The following FHIT variants were observed in gnomAD, a reference collection of about 807,000 sequenced individuals.
FHIT encodes bis(5'-adenosyl)-triphosphatase.
In FHIT, 19 loss-of-function variants were observed where a neutral mutation model predicts 17.9. The ratio of observed to expected loss-of-function variants is 1.06; its 90% CI spans 0.74 to 1.56. The LOEUF (loss-of-function observed/expected upper bound fraction) is 1.56. Ranked by LOEUF, FHIT falls within the 40% of genes most tolerant of loss-of-function variation. The pLI is 0.00. For synonymous variants in FHIT, 81 were observed against 69.7 expected (o/e 1.16, Z -0.81); for missense variants, 248 against 189.2 (o/e 1.31, Z -1.82).
At chr3:60,146,147 G>A in intron 5 of FHIT, among the ~76,000 whole-genome samples, 1 of 152,038 alleles carries the variant, frequency 6.6e-6, no homozygotes, top group Admixed American at 6.6e-5. Context: ...GGAGAGGAGG[G>A]TGGAATAGAG....
chr3:60,117,158 C>CTGATAAGATTTCCAGTAGTTGGCT (rs141050999), intron 5 of FHIT, among the ~76,000 whole-genome samples: 23,498 of 151,524 alleles, frequency 0.16, 1,956 homozygotes, highest in South Asian at 0.22. Flanking sequence ...GACTAAATGG[C>CTGATAAGATTTCCAGTAGTTGGCT]TGATAAGATT....
At chr3:60,946,321 T>C (rs1030428932) in intron 3 of FHIT, among the ~76,000 whole-genome samples, 2 of 152,184 alleles carry the variant, frequency 1.3e-5, no homozygotes, top group African/African-American at 4.8e-5. Context: ...AAGGGCACTA[T>C]TGGCATTTGG....
chr3:59,946,766 T>C (rs1706825749), intron 7 of FHIT, among the ~76,000 whole-genome samples: 1 of 152,228 alleles, frequency 6.6e-6, no homozygotes, highest in South Asian at 2.1e-4. Flanking sequence ...TCTATTGAGA[T>C]AATCATGTGG....
At chr3:60,722,707 C>CT (rs1157024624) in intron 4 of FHIT, among the ~76,000 whole-genome samples, 2,344 of 104,846 alleles carry the variant, frequency 0.022, 27 homozygotes, top group African/African-American at 0.041. Context: ...TACCTTAAAT[C>CT]TTTTTTTTTT....
chr3:60,419,953 A>G (rs947232837), intron 5 of FHIT, among the ~76,000 whole-genome samples: 1 of 152,208 alleles, frequency 6.6e-6, no homozygotes, highest in South Asian at 2.1e-4. Flanking sequence ...AGATAAAACC[A>G]TTCATAATCC....
intron 5 of FHIT, among the ~76,000 whole-genome samples, chr3:60,472,143 G>T (rs759482667): frequency 1.5e-5 from 2 of 132,634 alleles, no homozygotes; most frequent in Non-Finnish European, 1.5e-5. Flanking sequence ...GTAGCTCTCA[G>T]TCTACTTTTT....
At chr3:59,986,129 A>G (rs73106565) in intron 7 of FHIT, among the ~76,000 whole-genome samples, 14,795 of 152,062 alleles carry the variant, frequency 0.097, 907 homozygotes, top group Admixed American at 0.13. Context: ...AGCGGTTCAC[A>G]CTTTATGGCT....
intron 5 of FHIT, among the ~76,000 whole-genome samples, chr3:60,316,155 G>A (rs1307005337): frequency 6.6e-6 from 1 of 152,094 alleles, no homozygotes; most frequent in Non-Finnish European, 1.5e-5. Flanking sequence ...TAGCCCAAAG[G>A]TTTTGTATAG....
intron 5 of FHIT, among the ~76,000 whole-genome samples, chr3:60,243,752 A>G (rs914807301): frequency 1.5e-4 from 23 of 152,220 alleles, no homozygotes; most frequent in African/African-American, 5.5e-4. Flanking sequence ...GATGCTTTAC[A>G]TTGTTTTATA....
intron 5 of FHIT, among the ~76,000 whole-genome samples, chr3:60,476,789 C>T (rs980385895): frequency 6.6e-6 from 1 of 151,870 alleles, no homozygotes; most frequent in Admixed American, 6.6e-5. Flanking sequence ...CAGCTTCTGG[C>T]CTTGTCGGAG....
intron 7 of FHIT, among the ~76,000 whole-genome samples, chr3:59,938,893 G>A (rs1219124644): frequency 6.6e-6 from 1 of 152,106 alleles, no homozygotes. Context: ...AGTTTTATGG[G>A]GACCTCCTAA....
chr3:60,852,114 T>G (rs376584351), intron 3 of FHIT, among the ~76,000 whole-genome samples: 1 of 152,104 alleles, frequency 6.6e-6, no homozygotes, highest in East Asian at 1.9e-4. Context: ...TCCAATCAGC[T>G]GAAGGCTTGA....
At chr3:60,772,209 C>G (rs1271207592) in intron 4 of FHIT, among the ~76,000 whole-genome samples, 1 of 151,682 alleles carries the variant, frequency 6.6e-6, no homozygotes, top group Non-Finnish European at 1.5e-5. Flanking sequence ...ATGATGTGCA[C>G]ACAGGACTTT....
intron 3 of FHIT, among the ~76,000 whole-genome samples, chr3:60,993,662 T>C (rs927141335): frequency 6.6e-6 from 1 of 152,180 alleles, no homozygotes; most frequent in Non-Finnish European, 1.5e-5. Context: ...AGGAAAGATA[T>C]ACTAAAATTA....
intron 4 of FHIT, among the ~76,000 whole-genome samples, chr3:60,654,570 AAC>A (rs199875662): frequency 3.3e-5 from 2 of 61,444 alleles, no homozygotes; most frequent in Non-Finnish European, 8.4e-5. Flanking sequence ...TTCCAGCAAA[AAC>A]AAACAAAAAT....
intron 5 of FHIT, among the ~76,000 whole-genome samples, chr3:60,478,391 T>G (rs2033450047): frequency 2.0e-5 from 3 of 152,160 alleles, no homozygotes; most frequent in Non-Finnish European, 2.9e-5. Context: ...ATCAAGCAAA[T>G]ATGAATGAAC....
chr3:61,036,094 C>T (rs907691785), intron 3 of FHIT, among the ~76,000 whole-genome samples: 2 of 152,168 alleles, frequency 1.3e-5, no homozygotes, highest in South Asian at 2.1e-4. Flanking sequence ...GGAGGCTGTA[C>T]GAGCATGGCA....
At chr3:60,533,992 C>A (rs1289218953) in intron 5 of FHIT, among the ~76,000 whole-genome samples, 1 of 152,074 alleles carries the variant, frequency 6.6e-6, no homozygotes, top group African/African-American at 2.4e-5. Context: ...GGAGAGAACA[C>A]TGGAGGAAGA....
Position 59,944,514 on chromosome 3 carries a change from C to T in FHIT, c.280-22100G>A, listed in dbSNP as rs200948833. 2.9e-3 allele frequency among the ~76,000 whole-genome samples: 437 copies of T among 150,188 alleles called. 1 individual carries two copies. The highest frequency in any genetic ancestry group is 0.01 in the African/African-American group (417 of 41,050). On this transcript the variant is annotated intron_variant, in intron 7 of 9. Coordinates refer to ENST00000492590, the MANE Select transcript of FHIT (RefSeq NM_002012.4). Reference sequence around the variant, plus strand: ...GCTGCCCTTTATTAAACATTTTTTTCTTTTTTTTTTATTTAAACTTTTATT... The same window carrying T: ...GCTGCCCTTTATTAAACATTTTTTTTTTTTTTTTTTATTTAAACTTTTATT...
Sources: allele counts gnomAD v4.1 joint callset (sites outside exome capture counted in the v4.1 genomes callset), GRCh38; gene constraint gnomAD v4.1.1; transcripts MANE v1.5; gene names NCBI Gene and HGNC (gene_info 2026-07-23, HGNC 2026-07-21).